The following FARS2 variants were observed in gnomAD, a reference collection of about 807,000 sequenced individuals.
The protein encoded by FARS2 is phenylalanine--tRNA ligase, mitochondrial.
Under a neutral mutation model 46.4 loss-of-function variants are expected in FARS2, and 40 were observed. The ratio of observed to expected loss-of-function variants is 0.86; its 90% CI spans 0.67 to 1.12. The LOEUF is 1.12. Among genes scored for constraint, FARS2 ranks in the 50% most tolerant of loss-of-function variants. FARS2 has a pLI of 0.00. For synonymous variants in FARS2, 234 were observed against 214.9 expected, an observed-to-expected ratio of 1.09 and a Z score of -0.78; for missense variants, 513 against 567.9, an observed-to-expected ratio of 0.90 and a Z score of 0.98.
intron 1 of FARS2, among the ~76,000 whole-genome samples, chr6:5,275,618 C>T (rs1484047614): frequency 6.6e-6 from 1 of 152,070 alleles, no homozygotes; most frequent in Non-Finnish European, 1.5e-5. Flanking sequence ...TTTCATCCTC[C>T]TGCCCTGTCA....
At chr6:5,360,592 C>G (rs775845170) in intron 1 of FARS2, among the ~76,000 whole-genome samples, 18 of 152,288 alleles carry the variant, frequency 1.2e-4, no homozygotes, top group Non-Finnish European at 2.5e-4. Context: ...TCTGTGCATC[C>G]AAGCTGGCTT....
upstream of FARS2, chr6:5,260,596 GGTCCCCGGCCCCTGGCCCCCC>G: frequency 8.3e-7 from 1 of 1,204,084 alleles, no homozygotes; most frequent in Non-Finnish European, 1.2e-6. Flanking sequence ...CCGCACCCCC[GGTCCCCGGCCCCTGGCCCCCC>G]GCCCCCGGCC....
At chr6:5,628,972 A>G (rs1776163989) in intron 6 of FARS2, among the ~76,000 whole-genome samples, 1 of 152,250 alleles carries the variant, frequency 6.6e-6, no homozygotes, top group African/African-American at 2.4e-5. Context: ...CTTCCCTCTG[A>G]GAGAACTCTG....
intron 4 of FARS2, among the ~76,000 whole-genome samples, chr6:5,476,639 T>C (rs1766140209): frequency 6.6e-6 from 1 of 152,054 alleles, no homozygotes; most frequent in Non-Finnish European, 1.5e-5. Flanking sequence ...TAAAATATCA[T>C]GGGGAGGGGT....
intron 6 of FARS2, among the ~76,000 whole-genome samples, chr6:5,692,816 G>C (rs911523319): frequency 6.6e-6 from 1 of 152,116 alleles, no homozygotes; most frequent in African/African-American, 2.4e-5. Context: ...TTGTATGTTG[G>C]TCAAGATATT....
chr6:5,251,171 T>C, the FARS2 span, among the ~76,000 whole-genome samples: 413 of 152,306 alleles, frequency 2.7e-3, 3 homozygotes, highest in African/African-American at 8.9e-3. Flanking sequence ...TGTGGTAATA[T>C]ATACATACAC....
rs77748986 is a variant in FARS2, at chr6:5,731,865, C to T, written c.1218-39426C>T. Among the ~76,000 whole-genome samples the T allele has an allele frequency of 1.9e-3, 282 of 152,234 alleles. 2 individuals carry two copies. Among genetic ancestry groups the T allele is most frequent in the African/African-American group, 6.4e-3 (267 of 41,536 alleles). ...TGGGACCCTTCCCCCTCTCAGTGTC[C>T]TGATGTGGTTTATTCTTTCATGTTT... On this transcript the variant is annotated intron_variant, in intron 6 of 6. Transcript: ENST00000274680.
At chr6:5,272,565 G>T (rs1766036466) in intron 1 of FARS2, 2 of 151,402 alleles carry the variant, frequency 1.3e-5, no homozygotes, top group Non-Finnish European at 3.0e-5. Flanking sequence ...ATATTTTTGG[G>T]GTACATGTGA....
At chr6:5,541,870 C>A (rs947647031) in intron 4 of FARS2, among the ~76,000 whole-genome samples, 3 of 152,150 alleles carry the variant, frequency 2.0e-5, no homozygotes. Flanking sequence ...GTGGATTATT[C>A]ATGAGTTTTC....
At chr6:5,682,420 A>AAT (rs1457762443) in intron 6 of FARS2, among the ~76,000 whole-genome samples, 5 of 152,204 alleles carry the variant, frequency 3.3e-5, no homozygotes, top group Non-Finnish European at 5.9e-5. Context: ...GTAGTTTAAT[A>AAT]ATAAGTTGTA....
rs11327256 is a variant in FARS2, at chr6:5,616,010, T to TAAA, written c.1217+2713_1217+2715dup. 1.6e-3 allele frequency among the ~76,000 whole-genome samples: 157 copies of TAAA among 95,660 alleles called. 2 individuals are homozygous for TAAA. Among genetic ancestry groups the TAAA allele is most frequent in the East Asian group, 0.012 (36 of 2,894 alleles). The allele number at this position is 95,660 out of a possible 152,430, so 62.8% of individuals were successfully genotyped here. On this transcript the variant is annotated intron_variant, in intron 6 of 6. Transcript: ENST00000274680. ...ACTTCAGATTGTAACCCATAGCTCTTAAAAAAAAAAAAAAAAAAAAAAAAA... is the reference window on the plus strand; with the variant it reads ...ACTTCAGATTGTAACCCATAGCTCTTAAAAAAAAAAAAAAAAAAAAAAAAAAAA...
At chr6:5,760,334 A>G (rs1234571334) in intron 6 of FARS2, among the ~76,000 whole-genome samples, 1 of 152,208 alleles carries the variant, frequency 6.6e-6, no homozygotes, top group Non-Finnish European at 1.5e-5. Context: ...TATGGGTGAC[A>G]TGGTAATCTC....
At chr6:5,569,621 C>A (rs1772523758) in intron 5 of FARS2, among the ~76,000 whole-genome samples, 1 of 152,202 alleles carries the variant, frequency 6.6e-6, no homozygotes, top group Admixed American at 6.5e-5. Context: ...GTCAAGTCTT[C>A]AGCTGAGCAA....
chr6:5,485,044 C>T (rs1766693613), intron 4 of FARS2, among the ~76,000 whole-genome samples: 1 of 152,090 alleles, frequency 6.6e-6, no homozygotes, highest in South Asian at 2.1e-4. Context: ...GCTCTTCCTC[C>T]CAAAGAGGGA....
chr6:5,264,821 A>G (rs984188158), intron 1 of FARS2, among the ~76,000 whole-genome samples: 11 of 152,272 alleles, frequency 7.2e-5, no homozygotes, highest in African/African-American at 2.4e-4. Flanking sequence ...TTATAGAGAC[A>G]GGGTCTCTGT....
upstream of FARS2, chr6:5,260,928 G>A (rs767265855): frequency 1.0e-5 from 14 of 1,357,308 alleles, no homozygotes; most frequent in Non-Finnish European, 1.3e-5. Flanking sequence ...GCGCCGCTTC[G>A]GGGGCGGGCG....
chr6:5,644,837 G>A (rs193130436), intron 6 of FARS2, among the ~76,000 whole-genome samples: 1 of 152,308 alleles, frequency 6.6e-6, no homozygotes, highest in Admixed American at 6.5e-5. Flanking sequence ...CAAAAGGATT[G>A]AGAGAAACTA....
chr6:5,631,212 C>A (rs1021734155), intron 6 of FARS2, among the ~76,000 whole-genome samples: 1 of 152,086 alleles, frequency 6.6e-6, no homozygotes. Context: ...TTTTTTTCAA[C>A]CCAGATTGAA....
chr6:5,407,896 C>T (rs1250561996), intron 3 of FARS2, among the ~76,000 whole-genome samples: 1 of 152,100 alleles, frequency 6.6e-6, no homozygotes, highest in African/African-American at 2.4e-5. Context: ...CTGTTCAGGC[C>T]ATTTTAGAGG....
Sources: allele counts gnomAD v4.1 joint callset (sites outside exome capture counted in the v4.1 genomes callset), GRCh38; gene constraint gnomAD v4.1.1; transcripts MANE v1.5; gene names NCBI Gene and HGNC (gene_info 2026-07-23, HGNC 2026-07-21).